The following MBNL1 variants were observed in gnomAD, a reference collection of about 807,000 sequenced individuals.
MBNL1 encodes muscleblind-like protein 1.
MBNL1 carries 8 observed loss-of-function variants against 42.2 expected under a neutral mutation model. The observed-to-expected ratio is 0.19, with a 90% confidence interval of 0.11 to 0.34. The LOEUF is 0.34. MBNL1 is among the 10% of genes least tolerant of loss of function. MBNL1 has a pLI of 1.00. For missense variants in MBNL1, 309 were observed against 495.3 expected (o/e 0.62, Z 3.57); for synonymous variants, 169 against 173.9 (o/e 0.97, Z 0.22).
At chr3:152,249,462 GTTGT>G (rs1227077615) in intron 2 of MBNL1, among the ~76,000 whole-genome samples, 1 of 103,096 alleles carries the variant, frequency 9.7e-6, no homozygotes, top group East Asian at 2.8e-4. Flanking sequence ...TTTTAATGGG[GTTGT>G]TTGTTTTTTT....
chr3:152,374,062 A>G (rs566365948), intron 2 of MBNL1, among the ~76,000 whole-genome samples: 7 of 152,308 alleles, frequency 4.6e-5, no homozygotes, highest in African/African-American at 1.4e-4. Flanking sequence ...CATCTTTTAC[A>G]TATAAAGGCT....
At chr3:152,301,567 G>T (rs1056666706) in intron 2 of MBNL1, among the ~76,000 whole-genome samples, 1 of 152,096 alleles carries the variant, frequency 6.6e-6, no homozygotes, top group Admixed American at 6.6e-5. Flanking sequence ...CAAAGATTTC[G>T]AGAATATGAT....
intron 2 of MBNL1, among the ~76,000 whole-genome samples, chr3:152,319,769 A>G (rs529837464): frequency 5.3e-5 from 8 of 152,136 alleles, no homozygotes; most frequent in Non-Finnish European, 7.4e-5. Flanking sequence ...TTTAAATTCT[A>G]TATGGCCAAT....
chr3:152,428,064 A>G (rs1197593562), intron 3 of MBNL1, among the ~76,000 whole-genome samples: 1 of 152,094 alleles, frequency 6.6e-6, no homozygotes, highest in Non-Finnish European at 1.5e-5. Flanking sequence ...AAAATTGCAA[A>G]ACAAAAGGAA....
At chr3:152,252,177 T>TTCCTTCCTTCCTTCCTTCCC (rs1559934443) in intron 2 of MBNL1, among the ~76,000 whole-genome samples, 2 of 84,840 alleles carry the variant, frequency 2.4e-5, no homozygotes, top group Non-Finnish European at 5.4e-5. Flanking sequence ...CCTTCCTTCC[T>TTCCTTCCTTCCTTCCTTCCC]TCCCTCCTTC....
intron 2 of MBNL1, among the ~76,000 whole-genome samples, chr3:152,413,781 AGTT>A (rs2098643291): frequency 6.6e-6 from 1 of 152,198 alleles, no homozygotes. Flanking sequence ...TGGTGAAAGA[AGTT>A]GTCAAGGTGG....
At chr3:152,452,118 T>C (rs1476813488) in intron 6 of MBNL1, among the ~76,000 whole-genome samples, 1 of 152,264 alleles carries the variant, frequency 6.6e-6, no homozygotes, top group Non-Finnish European at 1.5e-5. Context: ...GTTAAATTCA[T>C]ATTGAAGTTT....
intron 2 of MBNL1, among the ~76,000 whole-genome samples, chr3:152,414,693 G>A (rs992882101): frequency 3.3e-5 from 5 of 152,106 alleles, no homozygotes; most frequent in Non-Finnish European, 7.4e-5. Context: ...AAATGTTAAT[G>A]CTAATATTAT....
At chr3:152,354,702 ATTG>A (rs2095379938) in intron 2 of MBNL1, among the ~76,000 whole-genome samples, 1 of 151,892 alleles carries the variant, frequency 6.6e-6, no homozygotes, top group South Asian at 2.1e-4. Flanking sequence ...TAGGGCACAT[ATTG>A]TTGTGTAAGA....
At chr3:152,370,053 T>G (rs2096592130) in intron 2 of MBNL1, among the ~76,000 whole-genome samples, 1 of 152,170 alleles carries the variant, frequency 6.6e-6, no homozygotes, top group South Asian at 2.1e-4. Flanking sequence ...TCTGCTAGCT[T>G]TTGAATTTGT....
chr3:152,329,737 A>G (rs2082992336), intron 2 of MBNL1, among the ~76,000 whole-genome samples: 1 of 147,432 alleles, frequency 6.8e-6, no homozygotes, highest in African/African-American at 2.5e-5. Context: ...AATATATAAT[A>G]TATATAAGAA....
At chr3:152,294,119 A>G (rs975927579) in intron 1 of MBNL1, among the ~76,000 whole-genome samples, 9 of 151,888 alleles carry the variant, frequency 5.9e-5, no homozygotes, top group African/African-American at 1.9e-4. Flanking sequence ...GAATATATAC[A>G]TGATTTCTGA....
At chr3:152,430,324 A>AATAAT (rs1184328241) in intron 3 of MBNL1, among the ~76,000 whole-genome samples, 2 of 152,218 alleles carry the variant, frequency 1.3e-5, no homozygotes, top group Non-Finnish European at 2.9e-5. Flanking sequence ...GATTATGTGC[A>AATAAT]ATAATATAAA....
At chr3:152,422,268 C>CA (rs200584264) in intron 3 of MBNL1, among the ~76,000 whole-genome samples, 37,400 of 102,864 alleles carry the variant, frequency 0.36, 6,238 homozygotes, top group Middle Eastern at 0.44. Context: ...AAATGGAAAG[C>CA]AAAAAAAAAA....
intron 4 of MBNL1, among the ~76,000 whole-genome samples, chr3:152,437,086 A>G (rs768407654): frequency 3.9e-5 from 6 of 152,226 alleles, no homozygotes; most frequent in Admixed American, 3.3e-4. Context: ...AGACATGGCA[A>G]TAAATGCACA....
chr3:152,431,721 A>T (rs1232427065), intron 3 of MBNL1, among the ~76,000 whole-genome samples: 10 of 152,232 alleles, frequency 6.6e-5, no homozygotes, highest in Admixed American at 6.5e-5. Context: ...TATTAAACGA[A>T]GCATTAAACT....
intron 3 of MBNL1, 56 bp from the exon 4 acceptor site, chr3:152,432,661 T>A: frequency 6.9e-7 from 1 of 1,454,640 alleles, no homozygotes; most frequent in Non-Finnish European, 9.7e-7. Context: ...TAATTAAGAA[T>A]ATCAACTTTG....
chr3:152,322,836 T>C (rs1184740860), intron 2 of MBNL1, among the ~76,000 whole-genome samples: 1 of 152,112 alleles, frequency 6.6e-6, no homozygotes, highest in Non-Finnish European at 1.5e-5. Context: ...GCAACATGTA[T>C]AGACTCTTAA....
chr3:152,429,975 G>A (rs764184033), intron 3 of MBNL1, among the ~76,000 whole-genome samples: 4 of 152,128 alleles, frequency 2.6e-5, no homozygotes, highest in Non-Finnish European at 5.9e-5. Flanking sequence ...CGCTCCTACC[G>A]ACTTTACTTG....
Sources: gnomAD v4.1 joint callset for allele counts (sites outside exome capture counted in the v4.1 genomes callset) on GRCh38, gnomAD v4.1.1 for gene constraint, MANE v1.5 for transcripts, NCBI Gene and HGNC (gene_info 2026-07-23, HGNC 2026-07-21) for gene names.